CHFR: variants seen among roughly 807,000 people sequenced by gnomAD.
The protein encoded by CHFR is E3 ubiquitin-protein ligase CHFR.
Under a neutral mutation model 87.6 loss-of-function variants are expected in CHFR, and 57 were observed. That is an observed-to-expected ratio of 0.65 (90% CI 0.53 to 0.81). CHFR has a LOEUF of 0.81. CHFR is among the 30% of genes least tolerant of loss of function. The pLI is 0.00. For missense variants in CHFR, 797 were observed against 865.8 expected (o/e 0.92, Z 1.00); for synonymous variants, 381 against 359.2 (o/e 1.06, Z -0.69).
At chr12:132,873,945 G>T (rs774738670) in intron 3 of CHFR, among the ~76,000 whole-genome samples, 9 of 152,090 alleles carry the variant, frequency 5.9e-5, no homozygotes, top group African/African-American at 2.2e-4. Flanking sequence ...CTCACCACAC[G>T]CTCCGACCAC....
chr12:132,861,078 C>A (rs1485492336), intron 7 of CHFR, among the ~76,000 whole-genome samples: 55 of 152,208 alleles, frequency 3.6e-4, no homozygotes, highest in Non-Finnish European at 5.9e-5. Flanking sequence ...GAGATAAAGT[C>A]TTGCTCTGTC....
intron 5 of CHFR, 80 bp from the exon 6 acceptor site, chr12:132,869,878 A>T (rs777319138): frequency 6.8e-7 from 1 of 1,475,118 alleles, no homozygotes; most frequent in Non-Finnish European, 9.2e-7. Context: ...CCAGGGCTCA[A>T]GCAGACACTC....
At chr12:132,855,723 A>G (rs898383827) in intron 10 of CHFR, among the ~76,000 whole-genome samples, 3 of 152,190 alleles carry the variant, frequency 2.0e-5, no homozygotes, top group Admixed American at 1.3e-4. Context: ...GTTAACGATT[A>G]TGACACACGT....
At position 132,872,279 on chromosome 12, in the gene CHFR, TCTTA is replaced by T. The variant is rs1178142939; in HGVS notation, c.343+2_343+5del. Reference sequence around the variant, plus strand: ...TCTGACCCCGGCAAGCCTTCCTCTCTCTTACTGTGTTCCGGTTCATTCTTCCTGT... The same window carrying T: ...TCTGACCCCGGCAAGCCTTCCTCTCTCTGTGTTCCGGTTCATTCTTCCTGT... On this transcript the variant is annotated splice_donor_variant and splice_donor_5th_base_variant and intron_variant, in intron 4 of 17. Coordinates refer to ENST00000450056, the MANE Select transcript of CHFR (RefSeq NM_001161346.2). LOFTEE classifies it high-confidence loss of function. 6.9e-6 allele frequency: 11 copies of T among 1,596,088 alleles called. No homozygotes were observed. The highest frequency in any genetic ancestry group is 5.0e-5 in the Admixed American group (3 of 59,986).
chr12:132,869,964 T>C, intron 5 of CHFR, 166 bp from the exon 6 acceptor site: 1 of 765,200 alleles, frequency 1.3e-6, no homozygotes, highest in East Asian at 2.7e-5. Context: ...ATCCCAGCAC[T>C]TTGGGAAGTC....
chr12:132,871,321 G>A (rs1422101510), intron 4 of CHFR, among the ~76,000 whole-genome samples: 1 of 152,116 alleles, frequency 6.6e-6, no homozygotes, highest in Non-Finnish European at 1.5e-5. Flanking sequence ...GTGTGGTGGT[G>A]TGCACCTGTA....
At chr12:132,855,853 G>A (rs1189938925) in intron 10 of CHFR, among the ~76,000 whole-genome samples, 1 of 150,880 alleles carries the variant, frequency 6.6e-6, no homozygotes, top group Non-Finnish European at 1.5e-5. Flanking sequence ...AGTTTCAAGT[G>A]TTTTTTTTTG....
At chr12:132,881,041 C>A (rs541929266) in intron 2 of CHFR, among the ~76,000 whole-genome samples, 29 of 152,102 alleles carry the variant, frequency 1.9e-4, no homozygotes, top group African/African-American at 7.0e-4. Context: ...CCAAGGCGGG[C>A]GGATCACTTC....
At chr12:132,864,446 GCATACA>G (rs1319988073) in intron 6 of CHFR, among the ~76,000 whole-genome samples, 1 of 152,122 alleles carries the variant, frequency 6.6e-6, no homozygotes, top group Non-Finnish European at 1.5e-5. Flanking sequence ...TTGTTAGTAT[GCATACA>G]CTTAGGCATA....
chr12:132,847,647 G>T, intron 14 of CHFR: 1 of 1,080,838 alleles, frequency 9.3e-7, no homozygotes, highest in South Asian at 2.8e-5. Context: ...GCAGGAGGGC[G>T]AATGCGCATG....
At chr12:132,887,157 GCCCGGC>G in intron 2 of CHFR, 33 bp downstream of exon 2, 1 of 1,443,018 alleles carries the variant, frequency 6.9e-7, no homozygotes, top group Non-Finnish European at 9.1e-7. Flanking sequence ...CGGTGGCTCT[GCCCGGC>G]CCCGGCCCCC....
At chr12:132,873,089 C>T (rs7954583) in intron 3 of CHFR, among the ~76,000 whole-genome samples, 1 of 152,168 alleles carries the variant, frequency 6.6e-6, no homozygotes, top group African/African-American at 2.4e-5. Flanking sequence ...ACAGCATACC[C>T]GACACACAAA....
intron 14 of CHFR, chr12:132,847,470 AGCTGAGGACTTG>A: frequency 9.0e-7 from 1 of 1,108,342 alleles, no homozygotes; most frequent in Non-Finnish European, 1.1e-6. Flanking sequence ...GCACAAGAAA[AGCTGAGGACTTG>A]GCATCTGTTC....
chr12:132,851,784 A>C, intron 11 of CHFR, 47 bp from the exon 12 acceptor site: 1 of 1,581,468 alleles, frequency 6.3e-7, no homozygotes, highest in Non-Finnish European at 8.6e-7. Context: ...CCCAGGGCAG[A>C]AAGACAGCAG....
intron 14 of CHFR, 48 bp from the exon 15 acceptor site, chr12:132,847,178 G>T: frequency 1.2e-6 from 2 of 1,608,454 alleles, no homozygotes; most frequent in South Asian, 1.1e-5. Flanking sequence ...TTTAGAGGAA[G>T]AAACACTGAA....
intron 12 of CHFR, among the ~76,000 whole-genome samples, chr12:132,850,423 G>A (rs1950914378): frequency 6.6e-6 from 1 of 152,056 alleles, no homozygotes; most frequent in African/African-American, 2.4e-5. Flanking sequence ...GGGCCGAGCT[G>A]CCATCTGCTG....
chr12:132,847,800 A>G, intron 14 of CHFR: 1 of 1,298,466 alleles, frequency 7.7e-7, no homozygotes, highest in Non-Finnish European at 9.8e-7. Context: ...GAGCTGTGGG[A>G]ACAAGAGCTG....
intron 9 of CHFR, 32 bp downstream of exon 9, chr12:132,857,373 G>A (rs751674449): frequency 6.2e-7 from 1 of 1,610,502 alleles, no homozygotes; most frequent in South Asian, 1.1e-5. Flanking sequence ...GCCCTCACGT[G>A]CCCGGGTGCT....
intron 16 of CHFR, among the ~76,000 whole-genome samples, chr12:132,843,287 A>G (rs551080759): frequency 6.6e-6 from 1 of 152,282 alleles, no homozygotes; most frequent in South Asian, 2.1e-4. Context: ...AGGGTCAGGT[A>G]CAGTGGTTCA....
Sources: gnomAD v4.1 joint callset for allele counts (sites outside exome capture counted in the v4.1 genomes callset) on GRCh38, gnomAD v4.1.1 for gene constraint, MANE v1.5 for transcripts, NCBI Gene and HGNC (gene_info 2026-07-23, HGNC 2026-07-21) for gene names.